SRPK1: variants seen among roughly 807,000 people sequenced by gnomAD.
SRPK1 encodes SFRS protein kinase 1.
In SRPK1, 52 loss-of-function variants were observed where a neutral mutation model predicts 89.5. The ratio of observed to expected loss-of-function variants is 0.58; its 90% confidence interval spans 0.46 to 0.73. SRPK1 has a LOEUF of 0.73. Ranked by LOEUF, SRPK1 falls within the 30% of genes least tolerant of loss-of-function variation. The pLI, the probability that SRPK1 is intolerant of heterozygous loss-of-function variation, is 0.00. For missense variants in SRPK1, 603 were observed against 780.6 expected (o/e 0.77, Z 2.71); for synonymous variants, 255 against 270.2 (o/e 0.94, Z 0.55).
chr6:35,842,380 C>T (rs576475459), intron 14 of SRPK1, among the ~76,000 whole-genome samples, 155 bp downstream of exon 14: 28 of 152,260 alleles, frequency 1.8e-4, no homozygotes, highest in African/African-American at 6.7e-4. Context: ...ATCTAAAAAC[C>T]TAATATAAAA....
chr6:35,900,550 C>T (rs1770720097), intron 2 of SRPK1, among the ~76,000 whole-genome samples: 1 of 152,096 alleles, frequency 6.6e-6, no homozygotes, highest in South Asian at 2.1e-4. Flanking sequence ...CTATCCGGTT[C>T]TTGAGTTTTA....
At chr6:35,844,013 T>G (rs1203844976) in intron 13 of SRPK1, among the ~76,000 whole-genome samples, 1 of 150,986 alleles carries the variant, frequency 6.6e-6, no homozygotes, top group Non-Finnish European at 1.5e-5. Flanking sequence ...CAGTTTTTTT[T>G]TTTTTTTTTT....
chr6:35,855,304 A>G (rs1165090445), intron 13 of SRPK1, among the ~76,000 whole-genome samples: 1 of 148,596 alleles, frequency 6.7e-6, no homozygotes, highest in South Asian at 2.1e-4. Context: ...TCCATCTCAG[A>G]AAAAAAAAAC....
At chr6:35,896,512 C>A (rs1052704069) in intron 2 of SRPK1, among the ~76,000 whole-genome samples, 1 of 152,166 alleles carries the variant, frequency 6.6e-6, no homozygotes, top group Non-Finnish European at 1.5e-5. Context: ...AATGGCACAA[C>A]CACTTTGGAA....
intron 6 of SRPK1, among the ~76,000 whole-genome samples, chr6:35,880,462 C>G: frequency 6.6e-6 from 1 of 151,878 alleles, no homozygotes; most frequent in Non-Finnish European, 1.5e-5. Context: ...GTGGCTCACG[C>G]CTGTAATCCC....
At position 35,913,969 on chromosome 6, in the gene SRPK1, C is replaced by CTTTTTTTT. The variant is rs545555860; in HGVS notation, c.74+6491_74+6498dup. ...TGCCGCACAACAAAGGATACTTTCT[C>CTTTTTTTT]TTTTTTTTTTTTTTTTTTTTTTTGA... On this transcript the variant is annotated intron_variant, in intron 2 of 15. Transcript: ENST00000373825. Among the ~76,000 whole-genome samples the CTTTTTTTT allele has an allele frequency of 2.5e-3, 232 of 92,934 alleles. 10 individuals are homozygous for CTTTTTTTT. Among genetic ancestry groups the CTTTTTTTT allele is most frequent in the South Asian group, 4.3e-3 (9 of 2,116 alleles). 61.0% of individuals were successfully genotyped at this position (92,934 alleles called of 152,430 possible).
chr6:35,900,585 C>T (rs185441312), intron 2 of SRPK1, among the ~76,000 whole-genome samples: 111 of 152,254 alleles, frequency 7.3e-4, no homozygotes, highest in Middle Eastern at 3.4e-3. Context: ...GAAGTTGGGA[C>T]AGCAAAGTCC....
intron 13 of SRPK1, among the ~76,000 whole-genome samples, chr6:35,854,036 T>C (rs1212237123): frequency 6.6e-6 from 1 of 152,094 alleles, no homozygotes; most frequent in Non-Finnish European, 1.5e-5. Flanking sequence ...CTGCAGCCTC[T>C]GCCTCCCAGG....
intron 15 of SRPK1, among the ~76,000 whole-genome samples, chr6:35,836,107 G>A (rs1561963233): frequency 6.6e-6 from 1 of 152,146 alleles, no homozygotes; most frequent in Non-Finnish European, 1.5e-5. Flanking sequence ...GCAGGTCAGT[G>A]GTGGGCCAGC....
rs529904826 is a variant in SRPK1 at position 35,855,258 on chromosome 6, C to T, written c.1620+2003G>A. Among the ~76,000 whole-genome samples, 25 of 152,012 alleles carry T rather than the reference C, an allele frequency of 1.6e-4. No homozygotes were observed. The South Asian group carries it at 3.7e-3, about 23-fold the overall frequency. The stretch of plus-strand genomic sequence containing the variant: ...CGGAGCTTGCAGTGAGCCAAGATTG[C>T]GCCACTGTACTCCAGCTTGGGTGAC... On this transcript the variant is annotated intron_variant, in intron 13 of 15. Transcript: ENST00000373825.
chr6:35,842,004 TACC>T (rs1203935573), intron 14 of SRPK1, among the ~76,000 whole-genome samples: 3 of 152,156 alleles, frequency 2.0e-5, no homozygotes, highest in Non-Finnish European at 2.9e-5. Flanking sequence ...TCCCACTGGC[TACC>T]ACAACATGTA....
rs57574093 is a variant in SRPK1 at position 35,915,997 on chromosome 6, T to TACAC, written c.74+4467_74+4470dup. 5.9e-3 allele frequency among the ~76,000 whole-genome samples: 530 copies of TACAC among 89,878 alleles called. 3 individuals carry two copies. The highest frequency in any genetic ancestry group is 8.0e-3 in the Non-Finnish European group (403 of 50,500). 59.0% of individuals were successfully genotyped at this position (89,878 alleles called of 152,430 possible). On this transcript the variant is annotated intron_variant, in intron 2 of 15. Coordinates refer to ENST00000373825, the MANE Select transcript of SRPK1 (RefSeq NM_003137.5). Reference sequence around the variant, plus strand: ...AAAAACAAAAAAAAAAAAAAATATATACACACACACACACACACACACACA... The same window carrying TACAC: ...AAAAACAAAAAAAAAAAAAAATATATACACACACACACACACACACACACACACA...
intron 3 of SRPK1, 93 bp from the exon 4 acceptor site, chr6:35,889,016 T>C (rs1770464959): frequency 1.3e-6 from 1 of 764,180 alleles, no homozygotes; most frequent in African/African-American, 1.7e-5. Context: ...TCAACATCTA[T>C]ATACCTTTTA....
intron 2 of SRPK1, among the ~76,000 whole-genome samples, chr6:35,911,413 T>C (rs1348193404): frequency 6.6e-6 from 1 of 151,976 alleles, no homozygotes; most frequent in South Asian, 2.1e-4. Flanking sequence ...CTGCTTCTTA[T>C]GATGAGAAAG....
At chr6:35,890,392 T>C (rs563119954) in intron 3 of SRPK1, among the ~76,000 whole-genome samples, 2 of 152,378 alleles carry the variant, frequency 1.3e-5, no homozygotes, top group African/African-American at 4.8e-5. Flanking sequence ...TTCTTCTAGA[T>C]GGTATGATAC....
chr6:35,899,552 G>A (rs76054178), intron 2 of SRPK1, among the ~76,000 whole-genome samples: 5 of 152,194 alleles, frequency 3.3e-5, no homozygotes, highest in African/African-American at 9.6e-5. Flanking sequence ...TTTCTCTTTC[G>A]TATTTAGTTA....
At chr6:35,838,456 G>A (rs1394782743) in intron 14 of SRPK1, 27 bp from the exon 15 acceptor site, 2 of 1,542,968 alleles carry the variant, frequency 1.3e-6, no homozygotes, top group South Asian at 2.5e-5. Flanking sequence ...TTTCAAGAGG[G>A]GGGAAAAAAA....
chr6:35,872,736 G>A lies in SRPK1; in HGVS notation c.586-8C>T. ...ATCAAGACCCTGTAACACCTGAATG[G>A]AAATAGAGTGGCAGACTTGCAAACA... On this transcript the variant is annotated splice_region_variant and splice_polypyrimidine_tract_variant and intron_variant, in intron 7 of 15. Transcript: ENST00000373825. 1 of 1,589,506 alleles carries A rather than the reference G, an allele frequency of 6.3e-7. No homozygotes were observed. Among genetic ancestry groups the A allele is most frequent in the African/African-American group, 1.4e-5 (1 of 74,070 alleles).
chr6:35,843,853 C>T (rs1262433376), intron 13 of SRPK1, among the ~76,000 whole-genome samples: 1 of 152,130 alleles, frequency 6.6e-6, no homozygotes, highest in Non-Finnish European at 1.5e-5. Context: ...AAAGAAAAGC[C>T]TGTCTCCTTT....
Sources: gnomAD v4.1 joint callset for allele counts (sites outside exome capture counted in the v4.1 genomes callset) on GRCh38, gnomAD v4.1.1 for gene constraint, MANE v1.5 for transcripts, NCBI Gene and HGNC (gene_info 2026-07-23, HGNC 2026-07-21) for gene names.